The following PSD3 variants were observed in gnomAD, a reference collection of about 807,000 sequenced individuals.
PSD3 encodes PH and SEC7 domain-containing protein 3.
PSD3 carries 49 observed loss-of-function variants against 105.5 expected under a neutral mutation model. The observed-to-expected ratio is 0.46, with a 90% CI of 0.37 to 0.59. PSD3 has a LOEUF of 0.59. PSD3 is among the 20% of genes least tolerant of loss of function. PSD3 has a pLI of 0.00. For missense variants in PSD3, 1,561 were observed against 1,263.8 expected (o/e 1.24, Z -3.57); for synonymous variants, 557 against 457.8 (o/e 1.22, Z -2.77).
intron 9 of PSD3, among the ~76,000 whole-genome samples, chr8:18,659,482 T>A (rs188430458): frequency 1.3e-5 from 2 of 152,318 alleles, no homozygotes; most frequent in African/African-American, 4.8e-5. Context: ...CCACATTCCA[T>A]AACTTGTTTT....
intron 9 of PSD3, among the ~76,000 whole-genome samples, chr8:18,750,461 T>C (rs1205792026): frequency 1.3e-5 from 2 of 152,254 alleles, no homozygotes; most frequent in Middle Eastern, 3.4e-3. Context: ...GGAGTGAAGC[T>C]GCAGATCTTC....
intron 15 of PSD3, among the ~76,000 whole-genome samples, chr8:18,555,451 G>A (rs1401942608): frequency 6.6e-6 from 1 of 151,922 alleles, no homozygotes; most frequent in Admixed American, 6.5e-5. Flanking sequence ...AAAAACAACA[G>A]GTCAAATTAG....
intron 8 of PSD3, among the ~76,000 whole-genome samples, chr8:18,790,508 T>A (rs961576147): frequency 6.6e-6 from 1 of 152,034 alleles, no homozygotes; most frequent in Admixed American, 6.6e-5. Flanking sequence ...TTCACCATGT[T>A]AGCCAGGATG....
chr8:18,575,983 CAAGAT>C (rs1802440264), intron 12 of PSD3, among the ~76,000 whole-genome samples: 1 of 152,066 alleles, frequency 6.6e-6, no homozygotes, highest in Non-Finnish European at 1.5e-5. Flanking sequence ...TTATCAAAAA[CAAGAT>C]AAACATGCAT....
chr8:18,929,970 G>T (rs1419400348), intron 2 of PSD3, among the ~76,000 whole-genome samples: 1 of 152,148 alleles, frequency 6.6e-6, no homozygotes, highest in South Asian at 2.1e-4. Flanking sequence ...AAGAGTGGAA[G>T]ATCGTACTTT....
chr8:18,742,707 C>A (rs1179532669), intron 9 of PSD3, among the ~76,000 whole-genome samples: 1 of 152,302 alleles, frequency 6.6e-6, no homozygotes, highest in African/African-American at 2.4e-5. Flanking sequence ...TGGTGCCCAA[C>A]TCCAGGTTTT....
chr8:18,934,728 G>C lies in PSD3; in HGVS notation c.130+1306C>G, dbSNP rs543883057. ...GCAAATAAGTTGGATAGCTTTGCAA[G>C]GTCACACAGTTTATAAGTTCAAGGC... On this transcript the variant is annotated intron_variant, in intron 2 of 15. Coordinates refer to ENST00000327040, the MANE Select transcript of PSD3 (RefSeq NM_015310.4). Among the ~76,000 whole-genome samples the C allele has an allele frequency of 6.6e-5, 10 of 152,260 alleles. 1 individual carries two copies. In the South Asian group the frequency reaches 1.7e-3, roughly 25 times the overall value.
chr8:18,705,270 G>C (rs1249031602), intron 9 of PSD3, among the ~76,000 whole-genome samples: 4 of 152,168 alleles, frequency 2.6e-5, no homozygotes, highest in Non-Finnish European at 5.9e-5. Flanking sequence ...GCTCATGCCT[G>C]TAATCCCAGC....
Position 18,794,066 on chromosome 8 carries a change from A to C in PSD3, c.2082+5229T>G, listed in dbSNP as rs1447905213. 1.2e-4 allele frequency among the ~76,000 whole-genome samples: 5 copies of C among 40,164 alleles called. 1 individual carries two copies. The highest frequency in any genetic ancestry group is 3.2e-4 in the African/African-American group (5 of 15,656). 26.3% of individuals were successfully genotyped at this position (40,164 alleles called of 152,430 possible). A position where few individuals can be genotyped will look rare whatever the true frequency, so the allele number is the denominator to read the frequency against. ...ATTCTTCTGCCTTGAGATTCTGTTA[A>C]TCTATAACCTTACCCCCAACCCTGT... On this transcript the variant is annotated intron_variant, in intron 8 of 15. Transcript: ENST00000327040.
At chr8:18,923,780 T>C (rs1040245736) in intron 2 of PSD3, among the ~76,000 whole-genome samples, 7 of 152,178 alleles carry the variant, frequency 4.6e-5, no homozygotes, top group South Asian at 2.1e-4. Flanking sequence ...TGGCTGTATA[T>C]ACTTCACAGT....
At chr8:18,982,095 A>G (rs1477324467) in intron 1 of PSD3, among the ~76,000 whole-genome samples, 1 of 152,218 alleles carries the variant, frequency 6.6e-6, no homozygotes, top group Non-Finnish European at 1.5e-5. Flanking sequence ...AGTTTATGGA[A>G]TATTCTAAAT....
chr8:18,595,502 G>GA (rs35339568), intron 12 of PSD3, among the ~76,000 whole-genome samples: 111,286 of 147,986 alleles, frequency 0.75, 42,313 homozygotes, highest in South Asian at 0.89. Context: ...GAGAGAGAGA[G>GA]AAAAAAAAAC....
chr8:18,743,808 G>A (rs66672830), intron 9 of PSD3, among the ~76,000 whole-genome samples: 2 of 151,202 alleles, frequency 1.3e-5, no homozygotes, highest in Admixed American at 1.3e-4. Flanking sequence ...AATTAGCTAG[G>A]CTTGGTGGCA....
At chr8:18,582,276 A>T (rs1441917963) in intron 12 of PSD3, among the ~76,000 whole-genome samples, 3 of 152,084 alleles carry the variant, frequency 2.0e-5, no homozygotes, top group African/African-American at 7.2e-5. Flanking sequence ...CTGCACTGAA[A>T]CTGCTTTATC....
intron 9 of PSD3, among the ~76,000 whole-genome samples, chr8:18,700,758 T>C (rs1801531630): frequency 6.6e-6 from 1 of 152,040 alleles, no homozygotes; most frequent in Non-Finnish European, 1.5e-5. Context: ...TTTCCTTCCG[T>C]CTAGGGGTAA....
At position 18,532,333 on chromosome 8, in the gene PSD3, C is replaced by T. The variant is rs1257273935; in HGVS notation, c.*3410G>A. ...GCCACAGGGTGAAATACAAACCTAT[C>T]TTAGCCTTGGAAAGCCACCCAGATT... is the stretch of plus-strand genomic sequence containing the variant. On this transcript the variant is annotated 3_prime_UTR_variant, in exon 16 of 16. Coordinates refer to ENST00000327040, the MANE Select transcript of PSD3 (RefSeq NM_015310.4). 6.6e-6 allele frequency: 1 copy of T among 152,200 alleles called. No individual in the cohort carries two copies. Among genetic ancestry groups the T allele is most frequent in the Non-Finnish European group, 1.5e-5 (1 of 68,042 alleles). The allele number at this position is 152,200 out of a possible 1,614,324, so 9.4% of individuals were successfully genotyped here. A position where few individuals can be genotyped will look rare whatever the true frequency, so the allele number is the denominator to read the frequency against.
chr8:18,628,182 C>T (rs1234491217), intron 11 of PSD3, among the ~76,000 whole-genome samples: 5 of 151,786 alleles, frequency 3.3e-5, no homozygotes, highest in Admixed American at 3.3e-4. Flanking sequence ...GGAGTGGAGG[C>T]TTTAAGAAAT....
chr8:19,062,425 A>C (rs1828934249), intron 1 of PSD3, among the ~76,000 whole-genome samples: 1 of 152,202 alleles, frequency 6.6e-6, no homozygotes, highest in African/African-American at 2.4e-5. Context: ...GAGGAAACTG[A>C]AACTCAGAAG....
At chr8:18,912,653 C>CTAGTTCCA (rs1820307828) in intron 2 of PSD3, among the ~76,000 whole-genome samples, 1 of 152,168 alleles carries the variant, frequency 6.6e-6, no homozygotes. Flanking sequence ...CTCACCACAC[C>CTAGTTCCA]TAGTTCCACA....
Sources: allele counts gnomAD v4.1 joint callset (sites outside exome capture counted in the v4.1 genomes callset), GRCh38; gene constraint gnomAD v4.1.1; transcripts MANE v1.5; gene names NCBI Gene and HGNC (gene_info 2026-07-23, HGNC 2026-07-21).